Variants in ANKDD1A observed in about 807,000 individuals in gnomAD.
ANKDD1A encodes ankyrin repeat and death domain-containing protein 1A.
Under a neutral mutation model 63.5 loss-of-function variants are expected in ANKDD1A, and 59 were observed. The ratio of observed to expected loss-of-function variants is 0.93; its 90% CI spans 0.75 to 1.15. ANKDD1A has a LOEUF of 1.15. ANKDD1A is among the 50% of genes most tolerant of loss of function. ANKDD1A has a pLI of 0.00. For missense variants in ANKDD1A, 632 were observed against 656.4 expected (o/e 0.96, Z 0.41); for synonymous variants, 266 against 263.9 (o/e 1.01, Z -0.08).
chr15:64,923,655 C>A (rs832889), intron 4 of ANKDD1A, among the ~76,000 whole-genome samples: 4,966 of 152,212 alleles, frequency 0.033, 264 homozygotes, highest in African/African-American at 0.11. Context: ...GAGAACCATG[C>A]CCCTATGTGG....
At chr15:64,915,046 C>G (rs180942220) in intron 1 of ANKDD1A, among the ~76,000 whole-genome samples, 2 of 152,068 alleles carry the variant, frequency 1.3e-5, no homozygotes, top group Non-Finnish European at 2.9e-5. Flanking sequence ...GGCTCACGCC[C>G]GTAATCCCAG....
In ANKDD1A at chr15:64,930,920, G is replaced by C. The variant is rs201047267; in HGVS notation, c.669G>C (p.Ala223=). The change falls in exon 7 of 15, where the codon GCG becomes GCC. Residue 223 remains alanine (A), a splice_region_variant and synonymous_variant. Transcript: ENST00000319580. ...DIGLDLEEQN[A]EGLTALHSAA... ...GGCTGGACCTGGAGGAGCAGAATGC[G>C]GTGAGTCACCGCCTGGGGATGGCGA... 9 of 1,610,386 alleles carry C rather than the reference G, an allele frequency of 5.6e-6. No homozygotes were observed. Among genetic ancestry groups the C allele is most frequent in the Non-Finnish European group, 7.6e-6 (9 of 1,179,894 alleles).
In ANKDD1A at chr15:64,930,698, T is replaced by A. The variant is rs1021455335; in HGVS notation, c.571-124T>A. 28 of 835,924 alleles carry A rather than the reference T, an allele frequency of 3.3e-5. No homozygotes were observed. The South Asian group carries it at 5.0e-4, about 15-fold the overall frequency. 51.8% of individuals were successfully genotyped at this position (835,924 alleles called of 1,614,324 possible). On this transcript the variant is annotated intron_variant, in intron 6 of 14. Transcript: ENST00000319580. ...CCCTTGAATCTGCCCCTGGTTATAG[T>A]TTTTGGCCCAGTTGTCAGGAGCAGG...
intron 8 of ANKDD1A, among the ~76,000 whole-genome samples, chr15:64,933,826 G>A (rs970625586): frequency 6.6e-6 from 1 of 151,862 alleles, no homozygotes. Context: ...GGGTGACAGA[G>A]TGAGACTCTG....
At chr15:64,924,360 C>G (rs2085030413) in intron 4 of ANKDD1A, among the ~76,000 whole-genome samples, 1 of 152,238 alleles carries the variant, frequency 6.6e-6, no homozygotes, top group Admixed American at 6.5e-5. Flanking sequence ...ATTCAAAAGC[C>G]CATCACAGGA....
At chr15:64,928,333 C>T (rs190059346) in intron 6 of ANKDD1A, among the ~76,000 whole-genome samples, 21 of 152,296 alleles carry the variant, frequency 1.4e-4, no homozygotes, top group African/African-American at 3.4e-4. Context: ...ATGCAAAGAG[C>T]GGGGAGGGCA....
At chr15:64,933,822 CAGAG>C (rs1408102872) in intron 8 of ANKDD1A, among the ~76,000 whole-genome samples, 3 of 151,654 alleles carry the variant, frequency 2.0e-5, no homozygotes, top group African/African-American at 7.3e-5. Flanking sequence ...GCTTGGGTGA[CAGAG>C]TGAGACTCTG....
At chr15:64,954,258 TCTC>T (rs757117755) in intron 14 of ANKDD1A, among the ~76,000 whole-genome samples, 2 of 150,782 alleles carry the variant, frequency 1.3e-5, no homozygotes, top group African/African-American at 2.4e-5. Context: ...TCTTTCTTCT[TCTC>T]CTTCTTTTCC....
At chr15:64,929,497 G>A (rs188740999) in intron 6 of ANKDD1A, among the ~76,000 whole-genome samples, 1 of 152,226 alleles carries the variant, frequency 6.6e-6, no homozygotes, top group African/African-American at 2.4e-5. Context: ...ACAACCCCAC[G>A]CAGGCTGACC....
At chr15:64,916,296 C>T (rs1444069967) in intron 2 of ANKDD1A, among the ~76,000 whole-genome samples, 1 of 151,342 alleles carries the variant, frequency 6.6e-6, no homozygotes, top group Non-Finnish European at 1.5e-5. Context: ...GATAAGTTGT[C>T]GTAAGAGCGT....
At chr15:64,927,090 C>T in intron 6 of ANKDD1A, 91 bp downstream of exon 6, 1 of 1,361,960 alleles carries the variant, frequency 7.3e-7, no homozygotes. Context: ...CCACGTCTGA[C>T]TCCGATTGCG....
rs1278996538 is a variant in ANKDD1A, at chr15:64,953,487, T to C, written c.1483+3515T>C. On this transcript the variant is annotated intron_variant, in intron 14 of 14. Coordinates refer to ENST00000319580, the MANE Select transcript of ANKDD1A (RefSeq NM_182703.6). ...TCTTCTTCTTCCTCTTCCTTCTCCTTCTTCTTTAGTTCTTCCTCCTCTTCC... is the reference window on the plus strand; with the variant it reads ...TCTTCTTCTTCCTCTTCCTTCTCCTCCTTCTTTAGTTCTTCCTCCTCTTCC... 1.1e-3 allele frequency among the ~76,000 whole-genome samples: 37 copies of C among 34,484 alleles called. 1 individual carries two copies. Among genetic ancestry groups the C allele is most frequent in the African/African-American group, 2.3e-3 (35 of 15,478 alleles). 22.6% of individuals were successfully genotyped at this position (34,484 alleles called of 152,430 possible).
In ANKDD1A at chr15:64,947,438, C is replaced by G; in HGVS notation, c.1196C>G (p.Ser399Cys). ...AGTGATCCCTCTGGGAAGAGCTTGT[C>G]CTTTAAGCAGGACCATCGGCAGGAA... is the stretch of plus-strand genomic sequence containing the variant. Reference protein sequence around the residue: ...HPSDPSGKSLSFKQDHRQETQ... With the variant: ...HPSDPSGKSLCFKQDHRQETQ... Residue 399 changes from serine (S) to cysteine (C), a missense_variant, in exon 13 of 15, where the codon TCC (serine) becomes TGC (cysteine). By Grantham distance (112) the Ser-to-Cys change is moderately radical. Transcript: ENST00000319580. The G allele has an allele frequency of 2.5e-6, 4 of 1,614,054 alleles. No homozygotes were observed. The highest frequency in any genetic ancestry group is 3.4e-6 in the Non-Finnish European group (4 of 1,179,958).
At chr15:64,950,312 C>T (rs1345839704) in intron 14 of ANKDD1A, 1 of 985,270 alleles carries the variant, frequency 1.0e-6, no homozygotes, top group Non-Finnish European at 1.2e-6. Flanking sequence ...CACCTCCAGA[C>T]TTTTTTCACA....
At chr15:64,942,629 G>C in intron 10 of ANKDD1A, 64 bp downstream of exon 10, 9 of 1,394,994 alleles carry the variant, frequency 6.5e-6, no homozygotes, top group Non-Finnish European at 7.9e-6. Flanking sequence ...AGGCTGGCAG[G>C]CTTGGCTGTG....
At chr15:64,917,250 C>A in intron 2 of ANKDD1A, 136 bp from the exon 3 acceptor site, 1 of 1,172,772 alleles carries the variant, frequency 8.5e-7, no homozygotes, top group Non-Finnish European at 1.2e-6. Context: ...GGGGCTGGGT[C>A]CCCAGCTAGC....
At position 64,944,760 on chromosome 15, in the gene ANKDD1A, C is replaced by G; in HGVS notation, c.1161+13C>G. 6 of 1,611,948 alleles carry G rather than the reference C, an allele frequency of 3.7e-6. No homozygotes were observed. The highest frequency in any genetic ancestry group is 5.1e-6 in the Non-Finnish European group (6 of 1,178,412). On this transcript the variant is annotated intron_variant, in intron 12 of 14. Transcript: ENST00000319580. ...CAGATGGGAGAAGGTACGGAGGCCT[C>G]ACGCTTGATCTTTCCTCATTGGAAA...
chr15:64,953,157 CTT>C (rs2085332304), intron 14 of ANKDD1A, among the ~76,000 whole-genome samples: 41 of 6,304 alleles, frequency 6.5e-3, no homozygotes, highest in Non-Finnish European at 0.019. Context: ...TTTCTCCTTT[CTT>C]CTTTCCTTCT....
chr15:64,945,607 C>CATATATATACATATATATATAT (rs1555396878), intron 12 of ANKDD1A, among the ~76,000 whole-genome samples: 35 of 73,850 alleles, frequency 4.7e-4, no homozygotes, highest in African/African-American at 2.2e-3. Context: ...GCATTTTCAA[C>CATATATATACATATATATATAT]ATATATATAT....
Sources: allele counts gnomAD v4.1 joint callset (sites outside exome capture counted in the v4.1 genomes callset), GRCh38; gene constraint gnomAD v4.1.1; transcripts MANE v1.5; gene names NCBI Gene and HGNC (gene_info 2026-07-23, HGNC 2026-07-21).